MYO1H: variants seen among roughly 807,000 people sequenced by gnomAD.
The protein encoded by MYO1H is unconventional myosin-Ih.
A neutral mutation model predicts 149.3 loss-of-function variants in MYO1H; 118 were observed. The observed-to-expected ratio is 0.79, with a 90% CI of 0.68 to 0.92. The LOEUF is 0.92. Among genes scored for constraint, MYO1H ranks in the 40% least tolerant of loss-of-function variants. The probability of loss-of-function intolerance (pLI) is 0.00; values close to 1 mark genes in which losing one functional copy is unlikely to be tolerated. For missense variants in MYO1H, 1,212 were observed against 1,280.7 expected, an observed-to-expected ratio of 0.95 and a Z score of 0.82; for synonymous variants, 447 against 465.2, an observed-to-expected ratio of 0.96 and a Z score of 0.50.
Position 109,407,931 on chromosome 12 carries a change from G to C in MYO1H, c.1155+18G>C. ...TTAACAAGGTTGGTCAACGCATTTT[G>C]GATCCCTTGCTCTTGCTCACGTGGT... On this transcript the variant is annotated intron_variant, in intron 10 of 31. Transcript: ENST00000310903. 1 of 1,612,886 alleles carries C rather than the reference G, an allele frequency of 6.2e-7. No homozygotes were observed.
At chr12:109,312,291 C>A in the MYO1H span, among the ~76,000 whole-genome samples, 11 of 152,140 alleles carry the variant, frequency 7.2e-5, no homozygotes, top group African/African-American at 2.4e-4. Flanking sequence ...CGGCTGACTG[C>A]AAGCACCACC....
the MYO1H span, among the ~76,000 whole-genome samples, chr12:109,317,273 A>G: frequency 6.6e-6 from 1 of 152,240 alleles, no homozygotes; most frequent in South Asian, 2.1e-4. Context: ...GTGGCCAGCC[A>G]GTATGTGCTG....
the MYO1H span, among the ~76,000 whole-genome samples, chr12:109,324,380 T>C: frequency 1.3e-5 from 2 of 152,048 alleles, no homozygotes; most frequent in Non-Finnish European, 2.9e-5. Context: ...AGGGAGAGAG[T>C]TACACTCTAC....
Position 109,399,264 on chromosome 12 carries a change from T to G in MYO1H, c.570+1452T>G, listed in dbSNP as rs111455201. Among the ~76,000 whole-genome samples the G allele has an allele frequency of 7.7e-3, 1,175 of 152,174 alleles. 8 individuals carry two copies. The highest frequency in any genetic ancestry group is 0.011 in the Non-Finnish European group (775 of 68,000). On this transcript the variant is annotated intron_variant, in intron 5 of 31. Coordinates refer to ENST00000310903, the Ensembl canonical transcript of MYO1H. ...GTGAATTTCTACGTATGTGTCCACC[T>G]CTGTAACCACCACCCAGATCAAGAC... is the stretch of plus-strand genomic sequence containing the variant.
At chr12:109,346,694 G>A (rs760260403), upstream of MYO1H, among the ~76,000 whole-genome samples, 2 of 152,118 alleles carry the variant, frequency 1.3e-5, no homozygotes, top group Non-Finnish European at 2.9e-5. Context: ...CCTGGGGGGC[G>A]GAGGTTGCAG....
chr12:109,322,688 C>T, the MYO1H span, among the ~76,000 whole-genome samples: 1 of 151,754 alleles, frequency 6.6e-6, no homozygotes, highest in African/African-American at 2.4e-5. Context: ...GGTGTGGTGG[C>T]AGGCACCTGT....
intron 16 of MYO1H, among the ~76,000 whole-genome samples, chr12:109,423,440 G>A (rs1871252085): frequency 6.6e-6 from 1 of 152,224 alleles, no homozygotes; most frequent in African/African-American, 2.4e-5. Flanking sequence ...GGGATTACAG[G>A]CGTGAGCGAC....
chr12:109,441,165 G>C (rs1172360015), intron 25 of MYO1H, among the ~76,000 whole-genome samples: 1 of 152,208 alleles, frequency 6.6e-6, no homozygotes, highest in Non-Finnish European at 1.5e-5. Flanking sequence ...GGCTAGAAGA[G>C]TAACTATTTC....
At chr12:109,428,597 T>G (rs1379932100) in intron 19 of MYO1H, among the ~76,000 whole-genome samples, 10 of 152,336 alleles carry the variant, frequency 6.6e-5, no homozygotes, top group Non-Finnish European at 1.0e-4. Flanking sequence ...GTCACTTTGT[T>G]GGGTCAGAAT....
the MYO1H span, among the ~76,000 whole-genome samples, chr12:109,328,450 C>T: frequency 6.6e-6 from 1 of 152,094 alleles, no homozygotes; most frequent in African/African-American, 2.4e-5. Context: ...CCCACCTCAG[C>T]CTCCCAAAGT....
chr12:109,414,617 C>G (rs185183626), intron 14 of MYO1H, among the ~76,000 whole-genome samples: 1 of 151,734 alleles, frequency 6.6e-6, no homozygotes, highest in East Asian at 1.9e-4. Context: ...CCTAGAAAAA[C>G]AAAAGTTAAT....
At chr12:109,373,523 A>G (rs1281711740) in intron 1 of MYO1H, among the ~76,000 whole-genome samples, 1 of 152,116 alleles carries the variant, frequency 6.6e-6, no homozygotes, top group East Asian at 1.9e-4. Context: ...GTATTCTTAG[A>G]ATAATCTATT....
Position 109,431,156 on chromosome 12 carries a change from G to A in MYO1H, c.1950-1741G>A, listed in dbSNP as rs374021159. Among the ~76,000 whole-genome samples the A allele has an allele frequency of 3.2e-4, 48 of 152,042 alleles. No individual in the cohort carries two copies. The East Asian group carries it at 5.6e-3, about 18-fold the overall frequency. ...GCGCTTTGGGAGGCCGAAGTGGGTG[G>A]ATCACGAGGCCAGGAGATCGAGACC... On this transcript the variant is annotated intron_variant, in intron 19 of 31. Coordinates refer to ENST00000310903, the Ensembl canonical transcript of MYO1H.
intron 2 of MYO1H, among the ~76,000 whole-genome samples, chr12:109,389,875 G>A (rs1394595489): frequency 6.6e-6 from 1 of 152,134 alleles, no homozygotes; most frequent in Non-Finnish European, 1.5e-5. Context: ...TGAAACCAAG[G>A]ATACCAGAAG....
At chr12:109,424,880 G>A in intron 17 of MYO1H, 52 bp downstream of exon 17, 1 of 1,375,418 alleles carries the variant, frequency 7.3e-7, no homozygotes, top group Admixed American at 1.7e-5. Context: ...AGGGTGAGAT[G>A]ACCACCAACT....
intron 19 of MYO1H, among the ~76,000 whole-genome samples, chr12:109,430,722 T>C (rs2135587499): frequency 6.6e-6 from 1 of 151,762 alleles, no homozygotes; most frequent in African/African-American, 2.4e-5. Context: ...GGTGAGGAGC[T>C]TGAAACCAGC....
At chr12:109,408,616 A>G (rs2137060593) in intron 10 of MYO1H, among the ~76,000 whole-genome samples, 1 of 152,332 alleles carries the variant, frequency 6.6e-6, no homozygotes, top group Admixed American at 6.5e-5. Flanking sequence ...TAAATAAAAA[A>G]GGGATTTAAT....
Position 109,376,282 on chromosome 12 carries a change from A to G in MYO1H, c.13-12401A>G, listed in dbSNP as rs553408785. Among the ~76,000 whole-genome samples the G allele has an allele frequency of 2.6e-5, 4 of 152,282 alleles. No homozygotes were observed. The East Asian group carries it at 7.7e-4, about 29-fold the overall frequency. ...ACTGCCTAGCACTTGGTAACTACTGATCCACTTTCCATGTCTATATATTTC... is the reference window on the plus strand; with the variant it reads ...ACTGCCTAGCACTTGGTAACTACTGGTCCACTTTCCATGTCTATATATTTC... On this transcript the variant is annotated intron_variant, in intron 1 of 31. Transcript: ENST00000310903.
exon 6 of MYO1H, chr12:109,401,247 C>T (rs1413560392): frequency 6.2e-7 from 1 of 1,612,904 alleles, no homozygotes; most frequent in African/African-American, 1.3e-5. Context: ...GAGCGAGACC[C>T]CCAGCTGTAT....
Sources: allele counts gnomAD v4.1 joint callset (sites outside exome capture counted in the v4.1 genomes callset), GRCh38; gene constraint gnomAD v4.1.1; transcripts MANE v1.5; gene names NCBI Gene and HGNC (gene_info 2026-07-23, HGNC 2026-07-21).